LEKR1: variants seen among roughly 807,000 people sequenced by gnomAD.
LEKR1 encodes leucine, glutamate and lysine rich 1.
Under a neutral mutation model 72.4 loss-of-function variants are expected in LEKR1, and 59 were observed. That is an observed-to-expected ratio of 0.82 (90% CI 0.66 to 1.01). The LOEUF is 1.01. LEKR1 is among the 50% of genes least tolerant of loss of function. LEKR1 has a pLI of 0.00. For synonymous variants in LEKR1, 257 were observed against 263.2 expected (o/e 0.98, Z 0.23); for missense variants, 728 against 759.2 (o/e 0.96, Z 0.48).
intron 9 of LEKR1, among the ~76,000 whole-genome samples, chr3:156,996,804 C>A (rs1297878209): frequency 4.6e-5 from 7 of 152,092 alleles, no homozygotes; most frequent in Admixed American, 4.6e-4. Context: ...GTGGTTCATG[C>A]CTGTGATTCC....
At position 156,838,633 on chromosome 3, in the gene LEKR1, T is replaced by G. The variant is rs865876816; in HGVS notation, c.48+9256T>G. On this transcript the variant is annotated intron_variant, in intron 2 of 12. Transcript: ENST00000356539. ...GCAGACCAGTTTAAAGATGTCTTTC[T>G]AGGAAGGATGTCTTTCTCCACTGCA... Among the ~76,000 whole-genome samples, 38 of 152,314 alleles carry G rather than the reference T, an allele frequency of 2.5e-4. 1 individual carries two copies. The Middle Eastern group carries it at 0.031, about 123-fold the overall frequency.
intron 3 of LEKR1, among the ~76,000 whole-genome samples, chr3:156,908,615 G>A (rs1368748155): frequency 3.9e-5 from 6 of 151,922 alleles, no homozygotes; most frequent in African/African-American, 7.3e-5. Context: ...TTTACTTTCT[G>A]GCATCACAAA....
chr3:156,901,665 A>G (rs1383045386), intron 3 of LEKR1, among the ~76,000 whole-genome samples: 3 of 152,144 alleles, frequency 2.0e-5, no homozygotes, highest in Admixed American at 2.0e-4. Flanking sequence ...GGAAAATCTC[A>G]AATATTAATG....
intron 2 of LEKR1, among the ~76,000 whole-genome samples, chr3:156,842,107 C>A (rs1477257930): frequency 6.6e-5 from 10 of 152,202 alleles, no homozygotes; most frequent in Admixed American, 6.5e-4. Context: ...CCCCATCCCC[C>A]CAGTCCATGG....
chr3:156,842,037 T>C (rs1466329642), intron 2 of LEKR1, among the ~76,000 whole-genome samples: 2 of 152,156 alleles, frequency 1.3e-5, no homozygotes, highest in Non-Finnish European at 2.9e-5. Context: ...TGTGTGCTGC[T>C]TATGAGAATC....
At chr3:156,923,459 A>G (rs1724404396) in intron 4 of LEKR1, among the ~76,000 whole-genome samples, 1 of 152,160 alleles carries the variant, frequency 6.6e-6, no homozygotes, top group South Asian at 2.1e-4. Flanking sequence ...GCTTTTACTA[A>G]TTATGTTTTT....
chr3:156,963,935 C>A (rs930488678), intron 6 of LEKR1, among the ~76,000 whole-genome samples: 4 of 152,134 alleles, frequency 2.6e-5, no homozygotes, highest in Admixed American at 2.6e-4. Flanking sequence ...CCACTTCCAG[C>A]CTGGCTGATG....
At chr3:156,987,753 T>C (rs186141989) in intron 7 of LEKR1, among the ~76,000 whole-genome samples, 4 of 152,174 alleles carry the variant, frequency 2.6e-5, no homozygotes, top group African/African-American at 9.6e-5. Context: ...GGCTTTGGGG[T>C]TTTTTGTTTT....
chr3:156,846,850 T>C (rs1293117774), intron 2 of LEKR1, among the ~76,000 whole-genome samples: 1 of 152,020 alleles, frequency 6.6e-6, no homozygotes, highest in Non-Finnish European at 1.5e-5. Context: ...TCTTGCTCTG[T>C]TGCCCAGGCT....
At chr3:156,952,250 T>A (rs62275819) in intron 6 of LEKR1, among the ~76,000 whole-genome samples, 4,781 of 151,486 alleles carry the variant, frequency 0.032, 116 homozygotes, top group Non-Finnish European at 0.047. Flanking sequence ...TCCTGGAGAC[T>A]TTTTAGAACT....
At chr3:156,924,548 T>A (rs1263028324) in intron 4 of LEKR1, 1 of 672,850 alleles carries the variant, frequency 1.5e-6, no homozygotes, top group Non-Finnish European at 2.7e-6. Flanking sequence ...TCAGAAGGAT[T>A]TTCTCCTGTA....
chr3:156,838,849 G>A (rs1713511008), intron 2 of LEKR1, among the ~76,000 whole-genome samples: 1 of 152,108 alleles, frequency 6.6e-6, no homozygotes, highest in South Asian at 2.1e-4. Context: ...ACTTATAATA[G>A]CCCGATGGGT....
chr3:156,994,443 A>G (rs984628050), intron 9 of LEKR1, among the ~76,000 whole-genome samples: 3 of 152,144 alleles, frequency 2.0e-5, no homozygotes, highest in Non-Finnish European at 4.4e-5. Context: ...ATTTTATTGA[A>G]TAAGATTAGC....
At chr3:157,024,657 A>G in intron 10 of LEKR1, 103 bp from the exon 11 acceptor site, 1 of 898,142 alleles carries the variant, frequency 1.1e-6, no homozygotes. Context: ...TTAATTAAAA[A>G]TTTAATGTCA....
chr3:156,942,502 T>C (rs1014383031), intron 5 of LEKR1, 27 bp from the exon 6 acceptor site: 13 of 849,174 alleles, frequency 1.5e-5, no homozygotes, highest in Non-Finnish European at 2.1e-5. Flanking sequence ...TTATTGGCTA[T>C]TTGTAAACTT....
chr3:156,976,369 C>A (rs1272169358), intron 6 of LEKR1, among the ~76,000 whole-genome samples: 1 of 152,072 alleles, frequency 6.6e-6, no homozygotes, highest in African/African-American at 2.4e-5. Flanking sequence ...TGGGCTCAGA[C>A]CTATGCTTCA....
rs34183027 is a variant in LEKR1, at chr3:156,866,428, G to A, written c.263+13446G>A. ...GGAGGCAGATTGGTCTTCTTGCAAT[G>A]GTGAGATTACTGTGAGGATGAGCAT... On this transcript the variant is annotated intron_variant, in intron 3 of 12. Transcript: ENST00000356539. Among the ~76,000 whole-genome samples, 1,426 of 152,078 alleles carry A rather than the reference G, an allele frequency of 9.4e-3. 10 individuals carry two copies. Among genetic ancestry groups the A allele is most frequent in the Non-Finnish European group, 0.014 (957 of 67,944 alleles).
chr3:157,039,359 G>T (rs1735190176), intron 12 of LEKR1, among the ~76,000 whole-genome samples: 1 of 152,200 alleles, frequency 6.6e-6, no homozygotes, highest in Non-Finnish European at 1.5e-5. Context: ...GGTGGCTCAC[G>T]CCTATAACCC....
chr3:156,939,642 T>A (rs1392757150), intron 5 of LEKR1, among the ~76,000 whole-genome samples: 1 of 152,176 alleles, frequency 6.6e-6, no homozygotes, highest in Non-Finnish European at 1.5e-5. Context: ...TGCTGAACAT[T>A]GAGTAGCAGG....
Sources: allele counts gnomAD v4.1 joint callset (sites outside exome capture counted in the v4.1 genomes callset), GRCh38; gene constraint gnomAD v4.1.1; transcripts MANE v1.5; gene names NCBI Gene and HGNC (gene_info 2026-07-23, HGNC 2026-07-21).